Variants in OPCML observed in about 807,000 individuals in gnomAD.
OPCML encodes opioid binding protein/cell adhesion molecule like, also known as opioid-binding protein/cell adhesion molecule.
A neutral mutation model predicts 37.8 loss-of-function variants in OPCML; 13 were observed. The ratio of observed to expected loss-of-function variants is 0.34; its 90% CI spans 0.22 to 0.55. The LOEUF (loss-of-function observed/expected upper bound fraction) is 0.55, where lower values mean the gene tolerates loss of function less well. Among genes scored for constraint, OPCML ranks in the 20% least tolerant of loss-of-function variants. The pLI, the probability that OPCML is intolerant of heterozygous loss-of-function variation, is 0.91. For synonymous variants in OPCML, 176 were observed against 168.8 expected, an observed-to-expected ratio of 1.04 and a Z score of -0.33; for missense variants, 341 against 435.6, an observed-to-expected ratio of 0.78 and a Z score of 1.93.
At chr11:133,409,241 C>T (rs1222221210) in intron 1 of OPCML, among the ~76,000 whole-genome samples, 3 of 152,162 alleles carry the variant, frequency 2.0e-5, no homozygotes, top group Admixed American at 6.5e-5. Context: ...CTTCAGACAG[C>T]GCGACTCCAG....
At chr11:132,444,687 C>A (rs537090916) in intron 4 of OPCML, among the ~76,000 whole-genome samples, 1 of 152,270 alleles carries the variant, frequency 6.6e-6, no homozygotes, top group South Asian at 2.1e-4. Flanking sequence ...AATCCACTCT[C>A]TTTCTGCCAG....
chr11:133,521,840 A>G (rs1481978676), intron 1 of OPCML, among the ~76,000 whole-genome samples: 5 of 152,228 alleles, frequency 3.3e-5, no homozygotes, highest in Non-Finnish European at 5.9e-5. Flanking sequence ...GCTTATTCGG[A>G]GAAGCCAAAG....
At chr11:133,521,694 G>A (rs965751312) in intron 1 of OPCML, among the ~76,000 whole-genome samples, 2 of 152,206 alleles carry the variant, frequency 1.3e-5, no homozygotes, top group African/African-American at 4.8e-5. Flanking sequence ...GGACTCCCAA[G>A]GAAACTGCAG....
At chr11:132,965,499 T>C (rs1171034306) in intron 1 of OPCML, among the ~76,000 whole-genome samples, 2 of 152,126 alleles carry the variant, frequency 1.3e-5, no homozygotes, top group African/African-American at 4.8e-5. Context: ...TATTGGCACA[T>C]ATTTTTGTCG....
intron 1 of OPCML, among the ~76,000 whole-genome samples, chr11:132,980,666 C>T (rs1241759129): frequency 2.0e-5 from 3 of 152,142 alleles, no homozygotes; most frequent in Non-Finnish European, 4.4e-5. Flanking sequence ...ACGTTTCCAT[C>T]TCCATTCTCC....
intron 2 of OPCML, among the ~76,000 whole-genome samples, chr11:132,837,561 G>A (rs1941088187): frequency 6.6e-6 from 1 of 152,196 alleles, no homozygotes; most frequent in African/African-American, 2.4e-5. Flanking sequence ...TCCAAGAGGA[G>A]GTGAAGAAAA....
At chr11:132,880,302 A>G (rs1033296735) in intron 2 of OPCML, among the ~76,000 whole-genome samples, 4 of 152,236 alleles carry the variant, frequency 2.6e-5, no homozygotes, top group African/African-American at 7.2e-5. Flanking sequence ...TCTCTTGACC[A>G]TCTACAACCT....
intron 1 of OPCML, among the ~76,000 whole-genome samples, chr11:133,037,450 T>C (rs4641493): frequency 0.21 from 31,189 of 152,086 alleles, 3,571 homozygotes; most frequent in African/African-American, 0.29. Context: ...AGGAGGTGGG[T>C]CAGAATGACC....
intron 1 of OPCML, among the ~76,000 whole-genome samples, chr11:133,515,021 C>T (rs1948235781): frequency 6.6e-6 from 1 of 152,156 alleles, no homozygotes; most frequent in African/African-American, 2.4e-5. Context: ...CAAATATGTT[C>T]ATCTTATTAG....
At chr11:132,496,068 G>A (rs1416958655) in intron 4 of OPCML, among the ~76,000 whole-genome samples, 2 of 152,124 alleles carry the variant, frequency 1.3e-5, no homozygotes, top group African/African-American at 4.8e-5. Context: ...TGTTGGGCAG[G>A]TCTTCTTAAT....
At chr11:132,469,901 T>G (rs1431864527) in intron 4 of OPCML, among the ~76,000 whole-genome samples, 1 of 135,662 alleles carries the variant, frequency 7.4e-6, no homozygotes, top group Non-Finnish European at 1.6e-5. Flanking sequence ...TGTGTAGGTA[T>G]GTGTCTGTAT....
At chr11:133,251,869 G>A (rs1941146237) in intron 1 of OPCML, among the ~76,000 whole-genome samples, 1 of 152,188 alleles carries the variant, frequency 6.6e-6, no homozygotes, top group South Asian at 2.1e-4. Flanking sequence ...AAAGGCTAAT[G>A]CTATTAAAAG....
chr11:132,620,514 G>T (rs1465640783), intron 3 of OPCML, among the ~76,000 whole-genome samples: 1 of 152,192 alleles, frequency 6.6e-6, no homozygotes, highest in African/African-American at 2.4e-5. Context: ...GAGATGGAAG[G>T]CTAAGGGGAA....
chr11:133,308,393 T>C (rs997096815), intron 1 of OPCML, among the ~76,000 whole-genome samples: 4 of 152,106 alleles, frequency 2.6e-5, no homozygotes, highest in Non-Finnish European at 5.9e-5. Flanking sequence ...AAAGAAATTA[T>C]AGATAATCAA....
At chr11:133,013,685 C>A (rs772253987) in intron 1 of OPCML, among the ~76,000 whole-genome samples, 30 of 152,160 alleles carry the variant, frequency 2.0e-4, no homozygotes, top group Non-Finnish European at 4.3e-4. Context: ...TAGTCAGGCT[C>A]TTCTGTATTA....
At chr11:132,607,500 G>A (rs558917390) in intron 3 of OPCML, among the ~76,000 whole-genome samples, 8 of 152,266 alleles carry the variant, frequency 5.3e-5, no homozygotes, top group African/African-American at 1.9e-4. Context: ...TCGGGCCTGT[G>A]GTTCCTGTAT....
intron 1 of OPCML, among the ~76,000 whole-genome samples, chr11:133,113,101 G>C (rs1949281641): frequency 6.6e-6 from 1 of 152,132 alleles, no homozygotes; most frequent in African/African-American, 2.4e-5. Flanking sequence ...TTAAAGCCTG[G>C]TGACAGTGCT....
At chr11:133,000,568 G>A in intron 1 of OPCML, among the ~76,000 whole-genome samples, 1 of 152,188 alleles carries the variant, frequency 6.6e-6, no homozygotes, top group East Asian at 1.9e-4. Context: ...TATAATTGCA[G>A]CTGGGTTTAT....
At chr11:133,080,439 A>G (rs1466427592) in intron 1 of OPCML, among the ~76,000 whole-genome samples, 1 of 150,940 alleles carries the variant, frequency 6.6e-6, no homozygotes, top group Non-Finnish European at 1.5e-5. Flanking sequence ...TTGCAGCGGC[A>G]CCGTGAGAAA....
Sources: gnomAD v4.1 joint callset for allele counts (sites outside exome capture counted in the v4.1 genomes callset) on GRCh38, gnomAD v4.1.1 for gene constraint, MANE v1.5 for transcripts, NCBI Gene and HGNC (gene_info 2026-07-23, HGNC 2026-07-21) for gene names.